PAN2: variants seen among roughly 807,000 people sequenced by gnomAD.
PAN2 encodes the protein PAN2-PAN3 deadenylation complex catalytic subunit PAN2.
In PAN2, 68 loss-of-function variants were observed where a neutral mutation model predicts 133.3. The ratio of observed to expected loss-of-function variants is 0.51; its 90% CI spans 0.42 to 0.62. The LOEUF is 0.62. Ranked by LOEUF, PAN2 falls within the 20% of genes least tolerant of loss-of-function variation. The pLI is 0.00. For synonymous variants in PAN2, 462 were observed against 544.6 expected (o/e 0.85, Z 2.11); for missense variants, 1,042 against 1,500.5 (o/e 0.69, Z 5.05).
rs761246458 is a variant in PAN2, at chr12:56,324,205, T to C, written c.1929-20A>G. On this transcript the variant is annotated intron_variant, in intron 12 of 25. Transcript: ENST00000440411. ...AAGCTGCTAAGAGTGGAGAGGATGA[T>C]ATATGCACATTGAGGAAGTTAGGAG... 2.5e-6 allele frequency: 4 copies of C among 1,612,972 alleles called. No homozygotes were observed. The Admixed American group carries it at 6.7e-5, about 27-fold the overall frequency.
rs1875129303 is a variant in PAN2, at chr12:56,326,373, G to T, written c.1299C>A (p.Thr433=). ...APPVDAEILR[T]MKKVGFIGYA... ...AGCCAATGAAGCCCACCTTCTTCATGGTGCGCAGAATCTCTGCATCCACGG... is the reference window on the plus strand; with the variant it reads ...AGCCAATGAAGCCCACCTTCTTCATTGTGCGCAGAATCTCTGCATCCACGG... The change falls in exon 8 of 26, where the codon ACC becomes ACA. Residue 433 remains threonine, a synonymous_variant. Transcript: ENST00000440411. The T allele has an allele frequency of 1.2e-6, 2 of 1,603,058 alleles. No homozygotes were observed. The highest frequency in any genetic ancestry group is 1.7e-6 in the Non-Finnish European group (2 of 1,173,074).
At position 56,319,519 on chromosome 12, in the gene PAN2, A is replaced by G; in HGVS notation, c.3091-32T>C. 6.2e-7 allele frequency: 1 copy of G among 1,600,648 alleles called. No homozygotes were observed. Among genetic ancestry groups the G allele is most frequent in the East Asian group, 2.2e-5 (1 of 44,742 alleles). On this transcript the variant is annotated intron_variant, in intron 22 of 25. Coordinates refer to ENST00000440411, the MANE Select transcript of PAN2 (RefSeq NM_014871.6). The surrounding 1 kb of genome is among the most constrained non-coding windows in gnomAD (Gnocchi z 5.4). ...ATAGAGAAAAGGACAAGCCTTTTTC[A>G]GGAAGTGAGATGGAGTCTTCCCCTA...
Position 56,325,443 on chromosome 12 carries a change from T to C in PAN2, c.1371A>G (p.Arg457=). The C allele has an allele frequency of 6.2e-7, 1 of 1,614,186 alleles. No individual in the cohort carries two copies. Among genetic ancestry groups the C allele is most frequent in the East Asian group, 2.2e-5 (1 of 44,892 alleles). ...RTRLRNQIPY[R]LKESDSEFDS... ...CAAATTCACTGTCTGACTCCTTGAG[T>C]CTGTAGGGTATCTAGGGATTTTAGG... Residue 457 remains arginine (R), a synonymous_variant, in exon 9 of 26, where the codon AGA becomes AGG. Coordinates refer to ENST00000440411, the MANE Select transcript of PAN2 (RefSeq NM_014871.6).
intron 20 of PAN2, among the ~76,000 whole-genome samples, chr12:56,320,500 C>T (rs895143810): frequency 2.6e-5 from 4 of 151,872 alleles, no homozygotes; most frequent in Admixed American, 6.6e-5. Flanking sequence ...AAAAATTAGC[C>T]GGGCGTGGTG....
intron 14 of PAN2, 99 bp downstream of exon 14, chr12:56,323,708 C>T: frequency 7.1e-7 from 1 of 1,399,306 alleles, no homozygotes; most frequent in Admixed American, 1.7e-5. Flanking sequence ...CACCAGAGAT[C>T]CCTGGATGGC....
In PAN2 at chr12:56,324,111, C is replaced by T. The variant is rs754585029; in HGVS notation, c.2003G>A (p.Arg668His). 36 of 1,613,954 alleles carry T rather than the reference C, an allele frequency of 2.2e-5. No individual in the cohort carries two copies. The highest frequency in any genetic ancestry group is 2.2e-5 in the East Asian group (1 of 44,890). The change falls in exon 13 of 26, where the codon CGC (arginine) becomes CAC (histidine). Residue 668 changes from arginine (R) to histidine (H), a missense_variant. Arg to His is a conservative substitution (Grantham distance 29). Transcript: ENST00000440411. ...SCEMENCSLC[R>H]CGSETVRASS... is the part of the protein sequence containing the mutation. ...GGCTCGCACGGTCTCACTGCCACAG[C>T]GGCAGAGGCTGCAGTTCTCCATCTC...
At chr12:56,327,678 A>G in intron 5 of PAN2, 47 bp from the exon 6 acceptor site, 3 of 1,598,266 alleles carry the variant, frequency 1.9e-6, no homozygotes, top group Non-Finnish European at 2.6e-6. Flanking sequence ...TATCAGGAAA[A>G]ATACCTGCCA....
At chr12:56,322,991 CCTGCCCTCCTTTACCTT>C (rs1874730611) in intron 17 of PAN2, 54 bp downstream of exon 17, 1 of 1,579,224 alleles carries the variant, frequency 6.3e-7, no homozygotes, top group African/African-American at 1.3e-5. Flanking sequence ...TTCACCTTCC[CCTGCCCTCCTTTACCTT>C]CTGCCCCACC....
chr12:56,326,396 CG>C lies in PAN2; in HGVS notation c.1275del (p.Val426TrpfsTer9), dbSNP rs775339492. 6.3e-7 allele frequency: 1 copy of C among 1,594,208 alleles called. No homozygotes were observed. The highest frequency in any genetic ancestry group is 1.1e-5 in the South Asian group (1 of 89,208). On this transcript the variant is annotated frameshift_variant, in exon 8 of 26. Transcript: ENST00000440411. LOFTEE classifies it high-confidence loss of function. ...ATGGTGCGCAGAATCTCTGCATCCA[CG>C]GGTGGTGCTCGCCTACAATCCAGCA... is the stretch of plus-strand genomic sequence containing the variant. ...NSAPAPRRAPPVDAEILRTMK... is the reference protein window; with the variant it reads ...NSAPAPRRAPXVDAEILRTMK...
intron 4 of PAN2, 28 bp from the exon 5 acceptor site, chr12:56,328,100 G>T (rs889062602): frequency 2.5e-6 from 4 of 1,612,212 alleles, no homozygotes; most frequent in Non-Finnish European, 2.5e-6. Flanking sequence ...AAAAACCAGT[G>T]AGAAGAATGA....
At chr12:56,327,328 C>G (rs762066758) in intron 6 of PAN2, 36 bp downstream of exon 6, 2 of 1,602,210 alleles carry the variant, frequency 1.2e-6, no homozygotes, top group East Asian at 2.2e-5. Context: ...CTTTGCTCAT[C>G]GATCCCTCCT....
intron 19 of PAN2, 85 bp downstream of exon 19, chr12:56,322,338 C>T: frequency 8.2e-7 from 1 of 1,212,422 alleles, no homozygotes; most frequent in African/African-American, 1.5e-5. Context: ...CCTGTTGAAT[C>T]TGCCTGGCAT....
chr12:56,328,747 G>A, intron 2 of PAN2, 106 bp from the exon 3 acceptor site: 3 of 887,630 alleles, frequency 3.4e-6, no homozygotes, highest in Non-Finnish European at 5.1e-6. Context: ...TTTCTTGCTT[G>A]GCCTTTGTGA....
Position 56,326,636 on chromosome 12 carries a change from T to C in PAN2, c.1243A>G (p.Asn415Asp). Residue 415 changes from asparagine (N) to aspartate (D), a missense_variant, in exon 7 of 26, where the codon AAC becomes GAC. Physicochemically the swap from Asn to Asp is conservative, Grantham distance 23 (BLOSUM62 1). Around this residue, in one of 3 missense-constraint regions of PAN2, gnomAD observed 908 missense variants for 1,223.5 expected, o/e 0.74. Coordinates refer to ENST00000440411, the MANE Select transcript of PAN2 (RefSeq NM_014871.6). ...DTLLSDWPAA[N>D]SAPAPRRAPP... Reference sequence around the variant, plus strand: ...TACAACCTGGGAGCTGGAGCAGAGTTGGCAGCAGGCCAATCAGAGAGAAGT... The same window carrying C: ...TACAACCTGGGAGCTGGAGCAGAGTCGGCAGCAGGCCAATCAGAGAGAAGT... 6.2e-7 allele frequency: 1 copy of C among 1,613,236 alleles called. No homozygotes were observed. The highest frequency in any genetic ancestry group is 8.5e-7 in the Non-Finnish European group (1 of 1,179,386).
At chr12:56,329,220 T>C (rs1400613450) in intron 2 of PAN2, among the ~76,000 whole-genome samples, 1 of 152,140 alleles carries the variant, frequency 6.6e-6, no homozygotes, top group Non-Finnish European at 1.5e-5. Flanking sequence ...TTTTTCTTAC[T>C]GTATTCTCTA....
rs375649878 is a variant in PAN2 at position 56,319,133 on chromosome 12, G to A, written c.3319C>T (p.Arg1107Ter). The change falls in exon 24 of 26, where the codon CGA becomes TGA. Residue 1107 changes from arginine to a stop codon, truncating the protein, a stop_gained. Transcript: ENST00000440411. LOFTEE classifies it high-confidence loss of function. This position sits in a 1 kb window ranked among gnomAD's most constrained non-coding sequence, Gnocchi z 5.4. Reference sequence around the variant, plus strand: ...AATCGCAGGGAAATCATTCGTTTTCGGGGCATATGGAACAGGTAGACAGTG... The same window carrying A: ...AATCGCAGGGAAATCATTCGTTTTCAGGGCATATGGAACAGGTAGACAGTG... ...LDTVYLFHMP[R>*]KRMISLRFLA... The A allele has an allele frequency of 6.2e-6, 10 of 1,613,898 alleles. No individual in the cohort carries two copies. Among genetic ancestry groups the A allele is most frequent in the African/African-American group, 1.3e-5 (1 of 74,862 alleles).
rs1188406682 is a variant in PAN2 at position 56,323,364 on chromosome 12, T to C, written c.2292A>G (p.Val764=). The C allele has an allele frequency of 1.2e-6, 2 of 1,613,940 alleles. No individual in the cohort carries two copies. The highest frequency in any genetic ancestry group is 1.1e-5 in the South Asian group (1 of 91,016). The change falls in exon 16 of 26, where the codon GTA becomes GTG. Residue 764 remains valine, a synonymous_variant. Coordinates refer to ENST00000440411, the MANE Select transcript of PAN2 (RefSeq NM_014871.6). ...MQAEVAFKMA[V]KKHGGEISKN... is the part of the protein sequence containing the mutation. ...TGGAGATTTCCCCACCGTGTTTCTT[T>C]ACTGCCATCTTGAAGGCAACCTGAA...
Position 56,324,470 on chromosome 12 carries a change from G to A in PAN2, c.1752C>T (p.Phe584=). Residue 584 remains phenylalanine, a synonymous_variant, in exon 12 of 26, where the codon TTC becomes TTT. Coordinates refer to ENST00000440411, the MANE Select transcript of PAN2 (RefSeq NM_014871.6). ...GGGCTGAGGCCTCAGGAATAGTACG[G>A]AATGCCCGAAGAAAATTATTGCCCT... ...PCQGNNFLRA[F]RTIPEASALG... is the part of the protein sequence containing the mutation. 2 of 1,613,724 alleles carry A rather than the reference G, an allele frequency of 1.2e-6. No individual in the cohort carries two copies. Among genetic ancestry groups the A allele is most frequent in the Non-Finnish European group, 1.7e-6 (2 of 1,179,690 alleles).
rs781424210 is a variant in PAN2, at chr12:56,328,058, C to T, written c.588G>A (p.Thr196=). 6.8e-6 allele frequency: 11 copies of T among 1,613,710 alleles called. No individual in the cohort carries two copies. Among genetic ancestry groups the T allele is most frequent in the East Asian group, 4.5e-5 (2 of 44,890 alleles). Residue 196 remains threonine (T), a synonymous_variant, in exon 5 of 26, where the codon ACG becomes ACA. Transcript: ENST00000440411. ...VQETQKYAVE[T]PGVTIMRQTN... ...TCTGTCTCATGATGGTGACTCCAGG[C>T]GTCTCTACTGCATACTGGAGAGGGA...
Sources: gnomAD v4.1 joint callset for allele counts (sites outside exome capture counted in the v4.1 genomes callset) on GRCh38, gnomAD v4.1.1 for gene constraint, gnomAD v4.1.1 regional missense constraint, Gnocchi (gnomAD v3.1) non-coding constraint, MANE v1.5 for transcripts, NCBI Gene and HGNC (gene_info 2026-07-23, HGNC 2026-07-21) for gene names.